Variants in IGFN1 observed in about 807,000 individuals in gnomAD.
IGFN1 encodes immunoglobulin like and fibronectin type III domain containing 1.
In IGFN1, 253 loss-of-function variants were observed where a neutral mutation model predicts 289.5. The ratio of observed to expected loss-of-function variants is 0.87; its 90% CI spans 0.79 to 0.97. The LOEUF (loss-of-function observed/expected upper bound fraction) is 0.97, where lower values mean the gene tolerates loss of function less well. Ranked by LOEUF, IGFN1 falls within the 50% of genes least tolerant of loss-of-function variation. The pLI is 0.00. For synonymous variants in IGFN1, 1,706 were observed against 1,788.5 expected (o/e 0.95, Z 1.16); for missense variants, 4,470 against 4,686.1 (o/e 0.95, Z 1.35).
rs1377868091 is a variant in IGFN1, at chr1:201,205,358, A to C, written c.1189+4A>C. On this transcript the variant is annotated splice_donor_region_variant and intron_variant, in intron 11 of 23. Transcript: ENST00000335211. Reference sequence around the variant, plus strand: ...AGCGCCTGGCTGGTGGTTGAAGGTGAGTGCTTCAAAACTCTGTCTTTCTCT... The same window carrying C: ...AGCGCCTGGCTGGTGGTTGAAGGTGCGTGCTTCAAAACTCTGTCTTTCTCT... 2 of 1,526,472 alleles carry C rather than the reference A, an allele frequency of 1.3e-6. No individual in the cohort carries two copies. Among genetic ancestry groups the C allele is most frequent in the Non-Finnish European group, 1.8e-6 (2 of 1,131,626 alleles). The allele number at this position is 1,526,472 out of a possible 1,614,324, so 94.6% of individuals were successfully genotyped here.
rs1230604072 is a variant in IGFN1 at position 201,211,745 on chromosome 1, A to T, written c.6852A>T (p.Ala2284=). 5 of 1,536,862 alleles carry T rather than the reference A, an allele frequency of 3.3e-6. No homozygotes were observed. In the African/African-American group the frequency reaches 6.9e-5, roughly 21 times the overall value. The stretch of plus-strand genomic sequence containing the variant: ...GAAAAATCAGTTCAGGGGATGAGGC[A>T]GGTTATAAGAATGTTTTAGGGGGTT... ...SSGKISSGDE[A]GYKNVLGGSG... The change falls in exon 12 of 24, where the codon GCA becomes GCT. Residue 2284 remains alanine, a synonymous_variant. Coordinates refer to ENST00000335211, the MANE Select transcript of IGFN1 (RefSeq NM_001164586.2).
chr1:201,199,349 A>G lies in IGFN1; in HGVS notation c.383A>G (p.Asn128Ser). The G allele has an allele frequency of 6.4e-7, 1 of 1,552,148 alleles. No homozygotes were observed. The highest frequency in any genetic ancestry group is 8.7e-7 in the Non-Finnish European group (1 of 1,147,096). The change falls in exon 6 of 24, where the codon AAT (asparagine) becomes AGT (serine). Residue 128 changes from asparagine to serine, a missense_variant. Asn to Ser is a conservative substitution (Grantham distance 46, BLOSUM62 1). Coordinates refer to ENST00000335211, the MANE Select transcript of IGFN1 (RefSeq NM_001164586.2). ...GATGTTGCAGTTGGCTTTCGGAAGA[A>G]TCGGAAGAGGCACAGGGAACCGCAG... ...LTVIEVGFRKNRKRHREPQED... is the reference protein window; with the variant it reads ...LTVIEVGFRKSRKRHREPQED...
chr1:201,193,130 G>A, intron 1 of IGFN1, 117 bp from the exon 2 acceptor site: 2 of 608,592 alleles, frequency 3.3e-6, no homozygotes, highest in Middle Eastern at 4.4e-4. Context: ...AAAGCTCTTG[G>A]GGGCAGCAGC....
Position 201,211,127 on chromosome 1 carries a change from G to C in IGFN1, c.6234G>C (p.Lys2078Asn), listed in dbSNP as rs1198501533. The C allele has an allele frequency of 1.3e-6, 2 of 1,529,062 alleles. No individual in the cohort carries two copies. The highest frequency in any genetic ancestry group is 8.8e-7 in the Non-Finnish European group (1 of 1,141,674). 94.7% of individuals were successfully genotyped at this position (1,529,062 alleles called of 1,614,324 possible). Residue 2078 changes from lysine to asparagine, a missense_variant, in exon 12 of 24, where the codon AAG becomes AAC. Around this residue, in one of 8 missense-constraint regions of IGFN1, gnomAD observed 2,218 missense variants for 2,114.1 expected, o/e 1.05. Transcript: ENST00000335211. Reference sequence around the variant, plus strand: ...ATAGGAAGGATTTAGGGGCTCCTAAGGGAATGGGTTCAGGGAGTAAGACAG... The same window carrying C: ...ATAGGAAGGATTTAGGGGCTCCTAACGGAATGGGTTCAGGGAGTAAGACAG... ...AGYRKDLGAP[K>N]GMGSGSKTGF...
Position 201,216,566 on chromosome 1 carries a change from CG to C in IGFN1, c.9409del (p.Val3137TrpfsTer13). The C allele has an allele frequency of 6.2e-7, 1 of 1,613,592 alleles. No individual in the cohort carries two copies. The highest frequency in any genetic ancestry group is 8.5e-7 in the Non-Finnish European group (1 of 1,179,818). On this transcript the variant is annotated frameshift_variant, in exon 16 of 24. Coordinates refer to ENST00000335211, the MANE Select transcript of IGFN1 (RefSeq NM_001164586.2). LOFTEE classifies it high-confidence loss of function. The stretch of plus-strand genomic sequence containing the variant: ...ATGGGGGCCGGACTGTAGAGTGCTA[CG>C]TGGTGGAGAGACGGCAGGCTGGCAG... ...DNGGRTVECY[V>X]VERRQAGRST...
Position 201,212,086 on chromosome 1 carries a change from G to A in IGFN1, c.7193G>A (p.Gly2398Asp). The change falls in exon 12 of 24, where the codon GGT becomes GAT. Residue 2398 changes from glycine (G) to aspartate (D), a missense_variant. By Grantham distance (94) the Gly-to-Asp change is moderately conservative. Transcript: ENST00000335211. ...HRSGYWVASE[G>D]DTNSKDGPER... ...TCAGGATATTGGGTAGCATCAGAGG[G>A]TGACACGAACTCCAAGGATGGTCCA... 6.5e-7 allele frequency: 1 copy of A among 1,536,420 alleles called. No homozygotes were observed.
chr1:201,197,729 G>C (rs1289245527), intron 5 of IGFN1, among the ~76,000 whole-genome samples: 1 of 152,142 alleles, frequency 6.6e-6, no homozygotes, highest in Admixed American at 6.5e-5. Flanking sequence ...TTCTCTCTCA[G>C]ACATGTTTTT....
At position 201,206,821 on chromosome 1, in the gene IGFN1, C is replaced by A; in HGVS notation, c.1928C>A (p.Ala643Asp). The A allele has an allele frequency of 6.5e-7, 1 of 1,536,826 alleles. No individual in the cohort carries two copies. The highest frequency in any genetic ancestry group is 2.0e-5 in the Admixed American group (1 of 50,978). ...CTGGCTGAGATGGACAGAGGGGATG[C>A]TCCAAGTAGGGAAAGGGGGAGAGGA... Reference protein sequence around the residue: ...DSLAEMDRGDAPSRERGRGIV... With the variant: ...DSLAEMDRGDDPSRERGRGIV... The change falls in exon 12 of 24, where the codon GCT (alanine) becomes GAT (aspartate). Residue 643 changes from alanine (A) to aspartate (D), a missense_variant. Around this residue, in one of 8 missense-constraint regions of IGFN1, gnomAD observed 2,011 missense variants for 1,953.4 expected, o/e 1.03. Coordinates refer to ENST00000335211, the MANE Select transcript of IGFN1 (RefSeq NM_001164586.2).
chr1:201,199,402 C>T, intron 6 of IGFN1, 24 bp downstream of exon 6: 2 of 1,549,914 alleles, frequency 1.3e-6, no homozygotes, highest in Non-Finnish European at 1.7e-6. Flanking sequence ...TCAGAAACCT[C>T]CTTGGGGGCC....
At position 201,204,052 on chromosome 1, in the gene IGFN1, C is replaced by A. The variant is rs58827042; in HGVS notation, c.916+146C>A. 3.9e-3 allele frequency: 2,780 copies of A among 709,002 alleles called. 56 individuals are homozygous for A. In the African/African-American group the frequency reaches 0.045, roughly 11 times the overall value. The allele number at this position is 709,002 out of a possible 1,614,324, so 43.9% of individuals were successfully genotyped here. A position where few individuals can be genotyped will look rare whatever the true frequency, so the allele number is the denominator to read the frequency against. Reference sequence around the variant, plus strand: ...GGGAGAGGGACACATACCTAGATGGCCAAATTTTGATGCTTTCTGTTTTCC... The same window carrying A: ...GGGAGAGGGACACATACCTAGATGGACAAATTTTGATGCTTTCTGTTTTCC... On this transcript the variant is annotated intron_variant, in intron 10 of 23. Transcript: ENST00000335211.
rs1372573919 is a variant in IGFN1, at chr1:201,208,380, G to A, written c.3487G>A (p.Gly1163Ser). ...PGSLRAGSKV[G>S]EGDGTRCPGA... Reference sequence around the variant, plus strand: ...GTCTCTGAGGGCAGGAAGCAAAGTGGGTGAGGGGGATGGGACAAGATGCCC... The same window carrying A: ...GTCTCTGAGGGCAGGAAGCAAAGTGAGTGAGGGGGATGGGACAAGATGCCC... Residue 1163 changes from glycine (G) to serine (S), a missense_variant, in exon 12 of 24, where the codon GGT (glycine) becomes AGT (serine). Transcript: ENST00000335211. The A allele has an allele frequency of 1.4e-6, 2 of 1,457,564 alleles. No homozygotes were observed. Among genetic ancestry groups the A allele is most frequent in the African/African-American group, 1.4e-5 (1 of 69,988 alleles). The allele number at this position is 1,457,564 out of a possible 1,614,324, so 90.3% of individuals were successfully genotyped here. A position where few individuals can be genotyped will look rare whatever the true frequency, so the allele number is the denominator to read the frequency against.
rs1006119691 is a variant in IGFN1 at position 201,206,799 on chromosome 1, G to C, written c.1906G>C (p.Ala636Pro). 3.3e-6 allele frequency: 5 copies of C among 1,536,986 alleles called. No homozygotes were observed. In the South Asian group the frequency reaches 5.9e-5, roughly 18 times the overall value. The change falls in exon 12 of 24, where the codon GCT becomes CCT. Residue 636 changes from alanine to proline, a missense_variant. Coordinates refer to ENST00000335211, the MANE Select transcript of IGFN1 (RefSeq NM_001164586.2). ...AGAGATTTCACAGGATGACAGCCTG[G>C]CTGAGATGGACAGAGGGGATGCTCC... Reference protein sequence around the residue: ...QIEISQDDSLAEMDRGDAPSR... With the variant: ...QIEISQDDSLPEMDRGDAPSR...
Position 201,226,021 on chromosome 1 carries a change from C to CT in IGFN1, c.10685dup (p.Gly3564ArgfsTer13), listed in dbSNP as rs1654069044. 6.3e-7 allele frequency: 1 copy of CT among 1,583,040 alleles called. No individual in the cohort carries two copies. Among genetic ancestry groups the CT allele is most frequent in the South Asian group, 1.2e-5 (1 of 86,750 alleles). On this transcript the variant is annotated frameshift_variant, in exon 22 of 24. Transcript: ENST00000335211. LOFTEE classifies it high-confidence loss of function. ...CAACCGCTTCACCCTCCTGGGCATC[C>CT]TCCCCGGCCACGAATACCACTTCAG...
rs1436196194 is a variant in IGFN1, at chr1:201,208,917, T to A, written c.4024T>A (p.Tyr1342Asn). ...AATAAGTTCAGGGAGCAAGGCAGAT[T>A]ATAGGGGTGGTTTACAGGATTCCAG... is the stretch of plus-strand genomic sequence containing the variant. ...EGISSGSKAD[Y>N]RGGLQDSREA... The change falls in exon 12 of 24, where the codon TAT becomes AAT. Residue 1342 changes from tyrosine to asparagine, a missense_variant. By Grantham distance (143) the Tyr-to-Asn change is moderately radical. Around this residue, in one of 8 missense-constraint regions of IGFN1, gnomAD observed 2,011 missense variants for 1,953.4 expected, o/e 1.03. Transcript: ENST00000335211. The A allele has an allele frequency of 5.2e-6, 8 of 1,535,806 alleles. No homozygotes were observed. Among genetic ancestry groups the A allele is most frequent in the Non-Finnish European group, 7.0e-6 (8 of 1,146,446 alleles).
intron 18 of IGFN1, among the ~76,000 whole-genome samples, chr1:201,219,019 C>G (rs1242387881): frequency 6.7e-6 from 1 of 149,482 alleles, no homozygotes; most frequent in Non-Finnish European, 1.5e-5. Context: ...GCCTGCATGA[C>G]AGAGGGAGAC....
intron 8 of IGFN1, 27 bp downstream of exon 8, chr1:201,200,438 C>T: frequency 6.5e-7 from 1 of 1,533,846 alleles, no homozygotes; most frequent in Non-Finnish European, 8.8e-7. Flanking sequence ...CCACCCCTCA[C>T]TCCATGCCCA....
chr1:201,216,153 G>C lies in IGFN1; in HGVS notation c.9296-301G>C, dbSNP rs1449948259. ...TGAGTGGTGCCAGCAAGGTAGGACT[G>C]CTCTTGGCCGAGCAGGTGCCCATAC... is the stretch of plus-strand genomic sequence containing the variant. On this transcript the variant is annotated intron_variant, in intron 15 of 23. Coordinates refer to ENST00000335211, the MANE Select transcript of IGFN1 (RefSeq NM_001164586.2). 3 of 615,800 alleles carry C rather than the reference G, an allele frequency of 4.9e-6. No homozygotes were observed. In the African/African-American group the frequency reaches 5.4e-5, roughly 11 times the overall value. The allele number at this position is 615,800 out of a possible 1,614,324, so 38.1% of individuals were successfully genotyped here.
At position 201,209,523 on chromosome 1, in the gene IGFN1, A is replaced by T. The variant is rs1231368646; in HGVS notation, c.4630A>T (p.Ser1544Cys). Residue 1544 changes from serine (S) to cysteine (C), a missense_variant, in exon 12 of 24, where the codon AGT becomes TGT. Ser to Cys is a moderately radical substitution (Grantham distance 112). This residue lies in a region of IGFN1 where 2,011 missense variants were observed against 1,953.4 expected (regional missense o/e 1.03). Transcript: ENST00000335211. ...GGCTTCTGAGGCAATAGGTTCAGGG[A>T]GTAAGGCAGGTTTTACGGATGGTTT... Reference protein sequence around the residue: ...LGASEAIGSGSKAGFTDGLGG... With the variant: ...LGASEAIGSGCKAGFTDGLGG... 2 of 1,532,784 alleles carry T rather than the reference A, an allele frequency of 1.3e-6. No individual in the cohort carries two copies. The highest frequency in any genetic ancestry group is 2.8e-5 in the African/African-American group (2 of 72,682). 94.9% of individuals were successfully genotyped at this position (1,532,784 alleles called of 1,614,324 possible).
rs1279513626 is a variant in IGFN1, at chr1:201,211,599, T to G, written c.6706T>G (p.Leu2236Val). The G allele has an allele frequency of 1.3e-6, 2 of 1,535,236 alleles. No individual in the cohort carries two copies. Among genetic ancestry groups the G allele is most frequent in the Non-Finnish European group, 1.7e-6 (2 of 1,146,234 alleles). ...SGSKAGFRDG[L>V]GSSGEMGSMD... ...GAGTAAGGCAGGTTTCAGGGATGGTTTAGGGAGTTCTGGGGAAATGGGGTC... is the reference window on the plus strand; with the variant it reads ...GAGTAAGGCAGGTTTCAGGGATGGTGTAGGGAGTTCTGGGGAAATGGGGTC... The change falls in exon 12 of 24, where the codon TTA becomes GTA. Residue 2236 changes from leucine to valine, a missense_variant. By Grantham distance (32) the Leu-to-Val change is conservative. This residue lies in a region of IGFN1 where 2,218 missense variants were observed against 2,114.1 expected (regional missense o/e 1.05). Transcript: ENST00000335211.
Sources: gnomAD v4.1 joint callset for allele counts (sites outside exome capture counted in the v4.1 genomes callset) on GRCh38, gnomAD v4.1.1 for gene constraint, gnomAD v4.1.1 regional missense constraint, MANE v1.5 for transcripts, NCBI Gene and HGNC (gene_info 2026-07-23, HGNC 2026-07-21) for gene names.